PPP2R5A: variants seen among roughly 807,000 people sequenced by gnomAD.
PPP2R5A encodes the protein protein phosphatase 2 regulatory subunit B'alpha, also known as serine/threonine-protein phosphatase 2A 56 kDa regulatory subunit alpha isoform.
A neutral mutation model predicts 64.2 loss-of-function variants in PPP2R5A; 25 were observed. The observed-to-expected ratio is 0.39, with a 90% confidence interval of 0.28 to 0.54. The LOEUF (loss-of-function observed/expected upper bound fraction) is 0.54. PPP2R5A is among the 20% of genes least tolerant of loss of function. PPP2R5A has a pLI of 0.67. For synonymous variants in PPP2R5A, 198 were observed against 201.2 expected, an observed-to-expected ratio of 0.98 and a Z score of 0.13; for missense variants, 425 against 576.3, an observed-to-expected ratio of 0.74 and a Z score of 2.69.
chr1:212,302,097 G>A, intron 1 of PPP2R5A: 1 of 1,512,588 alleles, frequency 6.6e-7, no homozygotes, highest in Non-Finnish European at 8.9e-7. Flanking sequence ...TAATGAGTAT[G>A]TATATTAAGA....
chr1:212,342,177 T>G lies in PPP2R5A; in HGVS notation c.481-11T>G. On this transcript the variant is annotated splice_polypyrimidine_tract_variant and intron_variant, in intron 3 of 12. Transcript: ENST00000261461. ...CCATCATCTTAGCCTTTATTTGACT[T>G]TCTCTCATAGTTGGTATATGAATTC... is the stretch of plus-strand genomic sequence containing the variant. The G allele has an allele frequency of 6.2e-7, 1 of 1,611,748 alleles. No homozygotes were observed. Among genetic ancestry groups the G allele is most frequent in the Non-Finnish European group, 8.5e-7 (1 of 1,178,810 alleles).
At chr1:212,291,141 G>A (rs754465696) in intron 1 of PPP2R5A, among the ~76,000 whole-genome samples, 5 of 151,594 alleles carry the variant, frequency 3.3e-5, no homozygotes, top group South Asian at 2.1e-4. Flanking sequence ...ACTGAGTCTC[G>A]CTGTGTCCCC....
At chr1:212,326,684 C>T (rs956181544) in intron 1 of PPP2R5A, among the ~76,000 whole-genome samples, 2 of 152,138 alleles carry the variant, frequency 1.3e-5, no homozygotes, top group African/African-American at 4.8e-5. Flanking sequence ...TTCTGAATGC[C>T]AATCTTAGGC....
intron 4 of PPP2R5A, among the ~76,000 whole-genome samples, chr1:212,343,618 A>C (rs543762198): frequency 1.1e-3 from 160 of 152,366 alleles, no homozygotes; most frequent in Non-Finnish European, 1.5e-3. Flanking sequence ...ACTATAAAGA[A>C]ATATTAGGTG....
chr1:212,286,219 C>A lies in PPP2R5A; in HGVS notation c.109C>A (p.Arg37Ser), dbSNP rs868609509. ...GGTCCGCAAGGCGCAGAGGCAGAAG[C>A]GCTCCCAGGGCTCGTCGCAGTTTCG... ...KSVRKAQRQK[R>S]SQGSSQFRSQ... Residue 37 changes from arginine (R) to serine (S), a missense_variant, in exon 1 of 13, where the codon CGC becomes AGC. Coordinates refer to ENST00000261461, the MANE Select transcript of PPP2R5A (RefSeq NM_006243.4). The A allele has an allele frequency of 1.3e-6, 2 of 1,572,158 alleles. No homozygotes were observed. The highest frequency in any genetic ancestry group is 1.7e-6 in the Non-Finnish European group (2 of 1,160,324).
rs376007639 is a variant in PPP2R5A, at chr1:212,357,317, CTTTTTT to C, written c.1226+41_1226+46del. ...TCTTTTATATAGGTCGTATTTTTTT[CTTTTTT>C]TTTTTTTATATCTTTTTGTTATTGA... On this transcript the variant is annotated intron_variant, in intron 11 of 12. Coordinates refer to ENST00000261461, the MANE Select transcript of PPP2R5A (RefSeq NM_006243.4). 370 of 1,159,146 alleles carry C rather than the reference CTTTTTT, an allele frequency of 3.2e-4. 1 individual carries two copies. Among genetic ancestry groups the C allele is most frequent in the Non-Finnish European group, 3.3e-4 (285 of 866,480 alleles). The allele number at this position is 1,159,146 out of a possible 1,614,324, so 71.8% of individuals were successfully genotyped here.
chr1:212,289,656 C>A (rs954557666), intron 1 of PPP2R5A, among the ~76,000 whole-genome samples: 1 of 151,828 alleles, frequency 6.6e-6, no homozygotes, highest in Non-Finnish European at 1.5e-5. Context: ...ACAAATCTCC[C>A]CAGGCCTGTG....
chr1:212,341,070 AG>A (rs1659677761), intron 3 of PPP2R5A, among the ~76,000 whole-genome samples: 1 of 152,120 alleles, frequency 6.6e-6, no homozygotes, highest in Admixed American at 6.5e-5. Flanking sequence ...TTTTGGGCTA[AG>A]TTTCTGCTTT....
intron 1 of PPP2R5A, among the ~76,000 whole-genome samples, chr1:212,319,699 C>T (rs1326493266): frequency 6.9e-6 from 1 of 145,440 alleles, no homozygotes; most frequent in African/African-American, 2.6e-5. Flanking sequence ...CGGCTCACTG[C>T]ACCCTCTGCC....
In PPP2R5A at chr1:212,342,278, C is replaced by T. The variant is rs931751731; in HGVS notation, c.571C>T (p.Gln191Ter). The T allele has an allele frequency of 6.2e-7, 1 of 1,612,556 alleles. No individual in the cohort carries two copies. ...KRYIDQKFVQ[Q>*]LLELFDSEDP... is the part of the protein sequence containing the mutation. ...ATACATTGATCAGAAATTCGTACAA[C>T]AGGTAAGGAACTCTTTTGTCTTAGA... Residue 191 changes from glutamine (Q) to a stop codon, truncating the protein, a stop_gained and splice_region_variant, in exon 4 of 13, where the codon CAG (glutamine) becomes TAG (stop). Transcript: ENST00000261461. LOFTEE classifies it high-confidence loss of function.
At chr1:212,311,393 C>T (rs545081975) in intron 1 of PPP2R5A, among the ~76,000 whole-genome samples, 20 of 151,632 alleles carry the variant, frequency 1.3e-4, no homozygotes, top group Non-Finnish European at 2.2e-4. Context: ...GGCATGAACC[C>T]GGGAGGCGGA....
chr1:212,299,938 G>A (rs1047238688), intron 1 of PPP2R5A, among the ~76,000 whole-genome samples: 18 of 151,706 alleles, frequency 1.2e-4, no homozygotes, highest in Non-Finnish European at 2.5e-4. Context: ...TCAGCCTCCC[G>A]AGTAGCTGGG....
At chr1:212,313,222 T>C (rs1428914862) in intron 1 of PPP2R5A, among the ~76,000 whole-genome samples, 1 of 152,200 alleles carries the variant, frequency 6.6e-6, no homozygotes, top group African/African-American at 2.4e-5. Flanking sequence ...GTACTGCCTG[T>C]TTTCTAGCAT....
chr1:212,340,781 T>A (rs1659673251), intron 3 of PPP2R5A, among the ~76,000 whole-genome samples: 1 of 152,212 alleles, frequency 6.6e-6, no homozygotes, highest in Non-Finnish European at 1.5e-5. Context: ...CCCAAACTTT[T>A]GTTAGCTGTA....
chr1:212,354,063 A>T (rs1659934024), intron 8 of PPP2R5A, among the ~76,000 whole-genome samples: 1 of 152,182 alleles, frequency 6.6e-6, no homozygotes, highest in Non-Finnish European at 1.5e-5. Context: ...GGGCGCCTGT[A>T]GTCCCAGCTA....
intron 1 of PPP2R5A, among the ~76,000 whole-genome samples, chr1:212,292,445 G>C (rs907457495): frequency 6.6e-6 from 1 of 151,988 alleles, no homozygotes; most frequent in Non-Finnish European, 1.5e-5. Flanking sequence ...TAGAGACAGA[G>C]TCAGTGTTTT....
chr1:212,354,155 GC>G (rs1189299552), intron 8 of PPP2R5A, among the ~76,000 whole-genome samples: 1 of 152,144 alleles, frequency 6.6e-6, no homozygotes. Context: ...CTGCACTCCA[GC>G]CTGGGTGACA....
intron 1 of PPP2R5A, among the ~76,000 whole-genome samples, chr1:212,320,276 C>T (rs1254408902): frequency 6.6e-6 from 1 of 152,198 alleles, no homozygotes. Context: ...GGTCACAGAT[C>T]AACGGGATCC....
In PPP2R5A at chr1:212,288,005, A is replaced by G. The variant is rs78108811; in HGVS notation, c.181+1714A>G. Among the ~76,000 whole-genome samples the G allele has an allele frequency of 7.6e-3, 1,164 of 152,198 alleles. 16 individuals carry two copies. The highest frequency in any genetic ancestry group is 0.026 in the African/African-American group (1,096 of 41,522). ...TTTCAAGCCAGGAGATGCAGCTTTG[A>G]TAGGTTTTGCTTTTATTTTATTTAT... On this transcript the variant is annotated intron_variant, in intron 1 of 12. Coordinates refer to ENST00000261461, the MANE Select transcript of PPP2R5A (RefSeq NM_006243.4).
Sources: gnomAD v4.1 joint callset for allele counts (sites outside exome capture counted in the v4.1 genomes callset) on GRCh38, gnomAD v4.1.1 for gene constraint, MANE v1.5 for transcripts, NCBI Gene and HGNC (gene_info 2026-07-23, HGNC 2026-07-21) for gene names.